Variants in PPM1B observed in about 807,000 individuals in gnomAD.
The protein encoded by PPM1B is protein phosphatase, Mg2+/Mn2+ dependent 1B, also known as protein phosphatase 1B.
In PPM1B, 22 loss-of-function variants were observed where a neutral mutation model predicts 43.0. That is an observed-to-expected ratio of 0.51 (90% CI 0.37 to 0.73). The LOEUF (loss-of-function observed/expected upper bound fraction) is 0.73, where lower values mean the gene tolerates loss of function less well. Among genes scored for constraint, PPM1B ranks in the 30% least tolerant of loss-of-function variants. PPM1B has a pLI of 0.00. For synonymous variants in PPM1B, 217 were observed against 197.9 expected (o/e 1.10, Z -0.81); for missense variants, 632 against 584.2 (o/e 1.08, Z -0.84).
downstream of PPM1B, among the ~76,000 whole-genome samples, chr2:44,239,109 G>C (rs1670691302): frequency 7.0e-6 from 1 of 143,026 alleles, no homozygotes; most frequent in African/African-American, 2.6e-5. Context: ...AGGAGTTCAA[G>C]TCTGCAGTGA....
intron 5 of PPM1B, among the ~76,000 whole-genome samples, chr2:44,241,952 A>G (rs1385919916): frequency 7.9e-6 from 1 of 126,214 alleles, no homozygotes; most frequent in African/African-American, 3.0e-5. Context: ...TCCGCCTCCC[A>G]GGTTCACGCC....
At chr2:44,220,176 G>C (rs1669908837) in intron 5 of PPM1B, among the ~76,000 whole-genome samples, 1 of 151,778 alleles carries the variant, frequency 6.6e-6, no homozygotes, top group African/African-American at 2.4e-5. Flanking sequence ...TCAGAAGACA[G>C]TTATTGATTC....
chr2:44,186,918 AC>A (rs1668152361), intron 1 of PPM1B, among the ~76,000 whole-genome samples: 1 of 152,198 alleles, frequency 6.6e-6, no homozygotes, highest in Admixed American at 6.5e-5. Context: ...AACCATCTTA[AC>A]CATTTTTAAG....
chr2:44,245,964 C>T (rs977735919), downstream of PPM1B, among the ~76,000 whole-genome samples: 14 of 152,182 alleles, frequency 9.2e-5, no homozygotes, highest in African/African-American at 3.4e-4. Flanking sequence ...TAGATTCTGA[C>T]CTTTTTGATT....
exon 6 of PPM1B, chr2:44,244,322 C>T (rs1028398823): frequency 2.9e-6 from 4 of 1,361,122 alleles, no homozygotes; most frequent in South Asian, 1.1e-5. Flanking sequence ...CTCAGAAGCA[C>T]GCGGACAAAA....
chr2:44,234,724 C>T, downstream of PPM1B: 1 of 526,798 alleles, frequency 1.9e-6, no homozygotes, highest in Non-Finnish European at 2.4e-6. Flanking sequence ...CTCCAGTGAA[C>T]TTTTGCTTTT....
chr2:44,235,802 G>A (rs1405528453), downstream of PPM1B, among the ~76,000 whole-genome samples: 3 of 151,852 alleles, frequency 2.0e-5, no homozygotes, highest in Admixed American at 2.0e-4. Flanking sequence ...GGGAAACTGA[G>A]GCAGGAGGAT....
chr2:44,204,686 G>T (rs1041550710), intron 2 of PPM1B, among the ~76,000 whole-genome samples: 1 of 151,672 alleles, frequency 6.6e-6, no homozygotes, highest in Admixed American at 6.6e-5. Context: ...GTGAAACCCC[G>T]TCTCTATTAA....
chr2:44,231,029 A>T lies in PPM1B; in HGVS notation c.*311A>T. The T allele has an allele frequency of 1.0e-6, 1 of 958,022 alleles. No individual in the cohort carries two copies. The highest frequency in any genetic ancestry group is 1.3e-6 in the Non-Finnish European group (1 of 790,270). 59.3% of individuals were successfully genotyped at this position (958,022 alleles called of 1,614,324 possible). On this transcript the variant is annotated 3_prime_UTR_variant, in exon 6 of 6. Transcript: ENST00000282412. ...AGATAGAATTAGAAATTTTGATTAG[A>T]GAGATTATGCTATATTATGGAAAAA...
Position 44,201,602 on chromosome 2 carries a change from G to C in PPM1B, c.403G>C (p.Val135Leu). 1.2e-6 allele frequency: 2 copies of C among 1,614,208 alleles called. No individual in the cohort carries two copies. The highest frequency in any genetic ancestry group is 1.7e-6 in the Non-Finnish European group (2 of 1,180,040). ...GATGGACAGGAGTGGTTCAACTGCAGTGGGAGTTATGATTTCACCTAAGCA... is the reference window on the plus strand; with the variant it reads ...GATGGACAGGAGTGGTTCAACTGCACTGGGAGTTATGATTTCACCTAAGCA... ...NGMDRSGSTA[V>L]GVMISPKHIY... Residue 135 changes from valine to leucine, a missense_variant, in exon 2 of 6, where the codon GTG becomes CTG. Physicochemically the swap from Val to Leu is conservative, Grantham distance 32. Around this residue, in one of 3 missense-constraint regions of PPM1B, gnomAD observed 200 missense variants for 200.7 expected, o/e 1.00. Coordinates refer to ENST00000282412, the MANE Select transcript of PPM1B (RefSeq NM_002706.6). This position sits in a 1 kb window ranked among gnomAD's most constrained non-coding sequence, Gnocchi z 5.4.
At chr2:44,185,743 T>A (rs1336257605) in intron 1 of PPM1B, among the ~76,000 whole-genome samples, 1 of 152,208 alleles carries the variant, frequency 6.6e-6, no homozygotes, top group Non-Finnish European at 1.5e-5. Flanking sequence ...CTAGCCTATT[T>A]TTATCAGTAA....
intron 3 of PPM1B, among the ~76,000 whole-genome samples, chr2:44,217,025 G>C (rs80257954): frequency 0.023 from 3,489 of 152,232 alleles, 152 homozygotes; most frequent in African/African-American, 0.08. Context: ...ATCCTTTGGA[G>C]ATGAGGGAGG....
At chr2:44,187,342 G>T (rs1261942156) in intron 1 of PPM1B, among the ~76,000 whole-genome samples, 1 of 152,074 alleles carries the variant, frequency 6.6e-6, no homozygotes, top group Non-Finnish European at 1.5e-5. Flanking sequence ...TCTACCTCTT[G>T]GCTGTTATGC....
Position 44,223,814 on chromosome 2 carries a change from T to TAAA in PPM1B, c.1134+5305_1134+5307dup, listed in dbSNP as rs58530902. On this transcript the variant is annotated intron_variant, in intron 5 of 5. Coordinates refer to ENST00000282412, the MANE Select transcript of PPM1B (RefSeq NM_002706.6). ...CTGGGCAACAGAGTGGGACTCTGTC[T>TAAA]AAAAAAAAAAAAAAAAAAAAAAAAA... 1.6e-3 allele frequency among the ~76,000 whole-genome samples: 58 copies of TAAA among 36,058 alleles called. 1 individual carries two copies. Among genetic ancestry groups the TAAA allele is most frequent in the East Asian group, 5.8e-3 (6 of 1,040 alleles). 23.7% of individuals were successfully genotyped at this position (36,058 alleles called of 152,430 possible). A position where few individuals can be genotyped will look rare whatever the true frequency, so the allele number is the denominator to read the frequency against.
At chr2:44,220,163 C>G (rs1235860542) in intron 5 of PPM1B, among the ~76,000 whole-genome samples, 1 of 151,876 alleles carries the variant, frequency 6.6e-6, no homozygotes, top group African/African-American at 2.4e-5. Context: ...AGGAAATAAG[C>G]CCTCAGAAGA....
chr2:44,170,283 A>G (rs1320698539), intron 1 of PPM1B, among the ~76,000 whole-genome samples: 2 of 152,246 alleles, frequency 1.3e-5, no homozygotes, highest in Non-Finnish European at 2.9e-5. Flanking sequence ...ATAACTGGGA[A>G]GTTGTTTTGA....
At chr2:44,214,729 A>C (rs1669642537) in intron 3 of PPM1B, among the ~76,000 whole-genome samples, 1 of 152,194 alleles carries the variant, frequency 6.6e-6, no homozygotes. Flanking sequence ...GGGGGTTTTC[A>C]GTAAACTGAC....
chr2:44,180,829 A>G (rs761353147), intron 1 of PPM1B, among the ~76,000 whole-genome samples: 3 of 151,788 alleles, frequency 2.0e-5, no homozygotes, highest in Admixed American at 2.0e-4. Context: ...CTAGATGCCA[A>G]GGTCACGAAT....
chr2:44,227,614 G>A (rs1374023720), intron 5 of PPM1B, among the ~76,000 whole-genome samples: 1 of 151,226 alleles, frequency 6.6e-6, no homozygotes, highest in East Asian at 2.0e-4. Context: ...CACCTCCTGA[G>A]TTCAAGCAAT....
Sources: allele counts gnomAD v4.1 joint callset (sites outside exome capture counted in the v4.1 genomes callset), GRCh38; gene constraint gnomAD v4.1.1; regional missense constraint gnomAD v4.1.1; non-coding constraint Gnocchi (gnomAD v3.1); transcripts MANE v1.5; gene names NCBI Gene and HGNC (gene_info 2026-07-23, HGNC 2026-07-21).